KIF27: variants seen among roughly 807,000 people sequenced by gnomAD.
The protein encoded by KIF27 is kinesin family member 27.
A neutral mutation model predicts 141.8 loss-of-function variants in KIF27; 84 were observed. That is an observed-to-expected ratio of 0.59 (90% CI 0.50 to 0.71). The LOEUF is 0.71. Among genes scored for constraint, KIF27 ranks in the 30% least tolerant of loss-of-function variants. The probability of loss-of-function intolerance (pLI) is 0.00; values close to 1 mark genes in which losing one functional copy is unlikely to be tolerated. For missense variants in KIF27, 1,306 were observed against 1,628.4 expected, an observed-to-expected ratio of 0.80 and a Z score of 3.41; for synonymous variants, 471 against 569.5, an observed-to-expected ratio of 0.83 and a Z score of 2.46.
chr9:83,844,243 A>G (rs977751703), intron 16 of KIF27, among the ~76,000 whole-genome samples: 4 of 151,880 alleles, frequency 2.6e-5, no homozygotes, highest in African/African-American at 9.7e-5. Context: ...AAGCTTGCAG[A>G]CAGCCTACTG....
chr9:83,861,280 T>A (rs549284631), intron 13 of KIF27, among the ~76,000 whole-genome samples: 1 of 152,062 alleles, frequency 6.6e-6, no homozygotes. Context: ...GCTGCACCCA[T>A]TAACTCATCA....
At position 83,894,964 on chromosome 9, in the gene KIF27, G is replaced by A. The variant is rs143321956; in HGVS notation, c.1603-3463C>T. The stretch of plus-strand genomic sequence containing the variant: ...AGATTGGTTAAAAATCAGATCAATC[G>A]GCCGGGCACTGTGGCTCACACCTGT... On this transcript the variant is annotated intron_variant, in intron 5 of 17. Transcript: ENST00000297814. Among the ~76,000 whole-genome samples the A allele has an allele frequency of 1.2e-4, 18 of 152,074 alleles. No individual in the cohort carries two copies. The East Asian group carries it at 2.7e-3, about 23-fold the overall frequency.
rs114085737 is a variant in KIF27, at chr9:83,883,585, C to G, written c.2445+228G>C. Among the ~76,000 whole-genome samples, 1,041 of 151,996 alleles carry G rather than the reference C, an allele frequency of 6.8e-3. 16 individuals are homozygous for G. Among genetic ancestry groups the G allele is most frequent in the African/African-American group, 0.024 (999 of 41,444 alleles). ...TTTCGTGGTTACGTTTATTTCTTAC[C>G]ATGTGGTTTTTTGATATGATGATTG... is the stretch of plus-strand genomic sequence containing the variant. On this transcript the variant is annotated intron_variant, in intron 10 of 17. Coordinates refer to ENST00000297814, the MANE Select transcript of KIF27 (RefSeq NM_017576.4).
chr9:83,912,156 G>A (rs1226784682), intron 2 of KIF27, among the ~76,000 whole-genome samples: 1 of 152,170 alleles, frequency 6.6e-6, no homozygotes, highest in Non-Finnish European at 1.5e-5. Context: ...AGTTTCTGTA[G>A]GCTAATTTAG....
At chr9:83,882,687 A>G (rs1318309220) in intron 10 of KIF27, among the ~76,000 whole-genome samples, 2 of 152,144 alleles carry the variant, frequency 1.3e-5, no homozygotes, top group African/African-American at 4.8e-5. Flanking sequence ...GTAAAGTTCT[A>G]CACCTTTCAT....
chr9:83,908,038 C>A (rs1407568671), intron 3 of KIF27, among the ~76,000 whole-genome samples: 1 of 152,080 alleles, frequency 6.6e-6, no homozygotes, highest in Non-Finnish European at 1.5e-5. Flanking sequence ...CTGAGGCAGG[C>A]GGATCACGAG....
chr9:83,846,633 C>T (rs754875533), intron 16 of KIF27, among the ~76,000 whole-genome samples: 39 of 152,228 alleles, frequency 2.6e-4, no homozygotes, highest in Non-Finnish European at 2.5e-4. Context: ...CTGTTTCTTC[C>T]ATAGCCAGGA....
intron 6 of KIF27, among the ~76,000 whole-genome samples, chr9:83,889,572 C>T (rs1952469438): frequency 6.6e-6 from 1 of 151,642 alleles, no homozygotes; most frequent in Non-Finnish European, 1.5e-5. Context: ...AAACACAACA[C>T]AGACACACCC....
chr9:83,853,540 C>T, intron 15 of KIF27, 89 bp downstream of exon 15: 1 of 858,340 alleles, frequency 1.2e-6, no homozygotes, highest in Middle Eastern at 2.4e-4. Context: ...TTAAGCCTTT[C>T]AATTTCTTTA....
chr9:83,897,495 G>A (rs1339018028), intron 5 of KIF27, among the ~76,000 whole-genome samples: 2 of 152,004 alleles, frequency 1.3e-5, no homozygotes, highest in African/African-American at 4.8e-5. Flanking sequence ...AAATGTGGAA[G>A]GCAAAACAAT....
At chr9:83,850,783 CA>C (rs1006584677) in intron 15 of KIF27, among the ~76,000 whole-genome samples, 12 of 112,024 alleles carry the variant, frequency 1.1e-4, no homozygotes, top group Non-Finnish European at 1.7e-4. Context: ...AACTCTGTCT[CA>C]AAAAAAAAGA....
At chr9:83,882,611 A>G (rs926115567) in intron 10 of KIF27, among the ~76,000 whole-genome samples, 38 of 152,164 alleles carry the variant, frequency 2.5e-4, no homozygotes, top group African/African-American at 8.9e-4. Flanking sequence ...GGATATGTCA[A>G]AGGTACAAAA....
chr9:83,876,755 A>T (rs1006474527), intron 11 of KIF27, among the ~76,000 whole-genome samples: 10 of 152,228 alleles, frequency 6.6e-5, no homozygotes, highest in Non-Finnish European at 1.3e-4. Flanking sequence ...TAGTAACCAT[A>T]TATCTATGGC....
At chr9:83,889,986 A>G (rs950058636) in intron 6 of KIF27, among the ~76,000 whole-genome samples, 2 of 152,196 alleles carry the variant, frequency 1.3e-5, no homozygotes, top group Non-Finnish European at 2.9e-5. Context: ...TTTCTATTAC[A>G]AAATATTTCC....
intron 5 of KIF27, 48 bp from the exon 6 acceptor site, chr9:83,891,549 A>T (rs765545769): frequency 1.3e-6 from 2 of 1,485,624 alleles, no homozygotes; most frequent in Non-Finnish European, 1.8e-6. Context: ...ACTTCAGTAC[A>T]TTTAGATTAT....
chr9:83,898,332 T>C (rs146404244), intron 5 of KIF27, among the ~76,000 whole-genome samples: 97 of 152,280 alleles, frequency 6.4e-4, no homozygotes, highest in African/African-American at 2.2e-3. Flanking sequence ...ATCATAACAA[T>C]GTTCAACAAA....
At chr9:83,906,169 C>T (rs928626028) in intron 3 of KIF27, among the ~76,000 whole-genome samples, 4 of 152,150 alleles carry the variant, frequency 2.6e-5, no homozygotes, top group African/African-American at 9.7e-5. Context: ...AGTATGAATT[C>T]TATCCAGAAG....
At chr9:83,866,048 C>T (rs3906189) in intron 13 of KIF27, among the ~76,000 whole-genome samples, 101,524 of 151,006 alleles carry the variant, frequency 0.67, 34,917 homozygotes, top group African/African-American at 0.8. Context: ...CATTCCCTAC[C>T]TGGAGTTTTT....
Position 83,908,545 on chromosome 9 carries a change from T to C in KIF27, c.406A>G (p.Ile136Val). Residue 136 changes from isoleucine (I) to valine (V), a missense_variant, in exon 3 of 18, where the codon ATA becomes GTA. Transcript: ENST00000297814. The part of the protein sequence containing the change: ...SIDFNVKVSY[I>V]EVYKEDLRDL... ...CTTAGGTCTTCCTTGTACACTTCTATATAAGATACTTTTACATTAAAGTCA... is the reference window on the plus strand; with the variant it reads ...CTTAGGTCTTCCTTGTACACTTCTACATAAGATACTTTTACATTAAAGTCA... 6.2e-7 allele frequency: 1 copy of C among 1,610,254 alleles called. No homozygotes were observed. Among genetic ancestry groups the C allele is most frequent in the Non-Finnish European group, 8.5e-7 (1 of 1,176,736 alleles).
Sources: gnomAD v4.1 joint callset for allele counts (sites outside exome capture counted in the v4.1 genomes callset) on GRCh38, gnomAD v4.1.1 for gene constraint, MANE v1.5 for transcripts, NCBI Gene and HGNC (gene_info 2026-07-23, HGNC 2026-07-21) for gene names.